NRIP1: variants seen among roughly 807,000 people sequenced by gnomAD.
The protein encoded by NRIP1 is nuclear receptor interacting protein 1.
Under a neutral mutation model 75.0 loss-of-function variants are expected in NRIP1, and 28 were observed. The observed-to-expected ratio is 0.37, with a 90% CI of 0.28 to 0.51. The LOEUF is 0.51. Ranked by LOEUF, NRIP1 falls within the 20% of genes least tolerant of loss-of-function variation. The pLI, the probability that NRIP1 is intolerant of heterozygous loss-of-function variation, is 0.92. For synonymous variants in NRIP1, 526 were observed against 487.6 expected (o/e 1.08, Z -1.04); for missense variants, 1,435 against 1,343.7 (o/e 1.07, Z -1.06).
At position 14,966,880 on chromosome 21, in the gene NRIP1, C is replaced by T. The variant is rs1223524712; in HGVS notation, c.1313G>A (p.Cys438Tyr). 6.2e-7 allele frequency: 1 copy of T among 1,614,052 alleles called. No individual in the cohort carries two copies. Among genetic ancestry groups the T allele is most frequent in the East Asian group, 2.2e-5 (1 of 44,862 alleles). ...TTTGCAAGACAAGTCTATGGGAACA[C>T]AGTTGGAATAAGAACTTTCATCACC... is the stretch of plus-strand genomic sequence containing the variant. Reference protein sequence around the residue: ...SSGDESSYSNCVPIDLSCKHR... With the variant: ...SSGDESSYSNYVPIDLSCKHR... Residue 438 changes from cysteine to tyrosine, a missense_variant, in exon 4 of 4, where the codon TGT (cysteine) becomes TAT (tyrosine). Physicochemically the swap from Cys to Tyr is radical, Grantham distance 194. Coordinates refer to ENST00000318948, the MANE Select transcript of NRIP1 (RefSeq NM_003489.4).
At chr21:15,033,382 GC>G (rs908533553) in intron 2 of NRIP1, among the ~76,000 whole-genome samples, 15 of 152,102 alleles carry the variant, frequency 9.9e-5, no homozygotes, top group African/African-American at 3.6e-4. Flanking sequence ...AAGGTGATTT[GC>G]CCACAGTCAA....
At chr21:15,046,842 T>C (rs1166635833) in intron 1 of NRIP1, among the ~76,000 whole-genome samples, 16 of 152,182 alleles carry the variant, frequency 1.1e-4, no homozygotes, top group Admixed American at 1.0e-3. Flanking sequence ...CCAGGCAGCT[T>C]CTATCCTTAA....
rs139897580 is a variant in NRIP1, at chr21:15,030,306, T to C, written c.-458+13189A>G. Among the ~76,000 whole-genome samples, 48 of 152,354 alleles carry C rather than the reference T, an allele frequency of 3.2e-4. No homozygotes were observed. The East Asian group carries it at 7.7e-3, about 24-fold the overall frequency. Reference sequence around the variant, plus strand: ...ACACCCTTACTGTTTACTTTACTTGTAGTAAGGCCTTCTATTACTTATATT... The same window carrying C: ...ACACCCTTACTGTTTACTTTACTTGCAGTAAGGCCTTCTATTACTTATATT... On this transcript the variant is annotated intron_variant, in intron 2 of 3. Coordinates refer to ENST00000318948, the MANE Select transcript of NRIP1 (RefSeq NM_003489.4).
intron 3 of NRIP1, among the ~76,000 whole-genome samples, chr21:15,013,939 T>G (rs916891808): frequency 1.8e-4 from 27 of 152,216 alleles, no homozygotes; most frequent in African/African-American, 6.3e-4. Context: ...ATTGTAGGAT[T>G]TGTATTAACT....
intron 3 of NRIP1, among the ~76,000 whole-genome samples, chr21:14,983,288 A>C (rs1466688390): frequency 6.6e-6 from 1 of 152,154 alleles, no homozygotes; most frequent in African/African-American, 2.4e-5. Flanking sequence ...AAAACAAAAC[A>C]ACCTTATTGC....
rs553300365 is a variant in NRIP1, at chr21:14,963,877, C to T, written c.*839G>A. 2.0e-5 allele frequency: 3 copies of T among 152,522 alleles called. No individual in the cohort carries two copies. Among genetic ancestry groups the T allele is most frequent in the Admixed American group, 1.3e-4 (2 of 15,270 alleles). 9.4% of individuals were successfully genotyped at this position (152,522 alleles called of 1,614,324 possible). ...ATGGTGAAAACTGTCCAAAGAAAAGCCATTTTGCTTCTGTTAAAAACAATT... is the reference window on the plus strand; with the variant it reads ...ATGGTGAAAACTGTCCAAAGAAAAGTCATTTTGCTTCTGTTAAAAACAATT... On this transcript the variant is annotated 3_prime_UTR_variant, in exon 4 of 4. Coordinates refer to ENST00000318948, the MANE Select transcript of NRIP1 (RefSeq NM_003489.4).
intron 2 of NRIP1, among the ~76,000 whole-genome samples, chr21:15,030,460 G>A (rs2088617551): frequency 6.6e-6 from 1 of 152,136 alleles, no homozygotes; most frequent in African/African-American, 2.4e-5. Context: ...CATGCTGCAT[G>A]CCTAGACAAC....
In NRIP1 at chr21:14,964,394, A is replaced by C. The variant is rs965559975; in HGVS notation, c.*322T>G. The C allele has an allele frequency of 1.1e-5, 2 of 189,796 alleles. No individual in the cohort carries two copies. The highest frequency in any genetic ancestry group is 5.7e-5 in the Admixed American group (1 of 17,694). 11.8% of individuals were successfully genotyped at this position (189,796 alleles called of 1,614,324 possible). Reference sequence around the variant, plus strand: ...CTAATAAAGGCAGCAAAATGCATTAATCCACTATGAATGGAGTTTTACATT... The same window carrying C: ...CTAATAAAGGCAGCAAAATGCATTACTCCACTATGAATGGAGTTTTACATT... On this transcript the variant is annotated 3_prime_UTR_variant, in exon 4 of 4. Coordinates refer to ENST00000318948, the MANE Select transcript of NRIP1 (RefSeq NM_003489.4).
At chr21:15,033,018 G>T (rs1455869830) in intron 2 of NRIP1, among the ~76,000 whole-genome samples, 1 of 152,088 alleles carries the variant, frequency 6.6e-6, no homozygotes. Flanking sequence ...GAGGTCAGGA[G>T]ATCGAGACCA....
chr21:15,061,423 A>T (rs1488068796), intron 1 of NRIP1, among the ~76,000 whole-genome samples: 1 of 152,194 alleles, frequency 6.6e-6, no homozygotes, highest in Non-Finnish European at 1.5e-5. Context: ...GCAGTTTTTC[A>T]TGGAAGAAAA....
intron 1 of NRIP1, chr21:15,050,677 T>C (rs1353984275): frequency 4.4e-6 from 2 of 455,224 alleles, no homozygotes; most frequent in Admixed American, 2.4e-5. Context: ...TACATATGTG[T>C]GTATTGTTTA....
intron 1 of NRIP1, among the ~76,000 whole-genome samples, chr21:15,049,973 G>T (rs1286696089): frequency 6.6e-6 from 1 of 152,040 alleles, no homozygotes; most frequent in Non-Finnish European, 1.5e-5. Flanking sequence ...TTGTAAATGA[G>T]AAATAAAATT....
At chr21:15,032,163 G>C (rs1224621389) in intron 2 of NRIP1, among the ~76,000 whole-genome samples, 2 of 152,148 alleles carry the variant, frequency 1.3e-5, no homozygotes, top group East Asian at 1.9e-4. Flanking sequence ...TGAGTCAAAG[G>C]GTTTTGATTT....
At chr21:15,064,296 G>A (rs758936076) in intron 1 of NRIP1, among the ~76,000 whole-genome samples, 1 of 152,216 alleles carries the variant, frequency 6.6e-6, no homozygotes, top group African/African-American at 2.4e-5. Flanking sequence ...GGTATCCAGC[G>A]AGCAAGGAGC....
intron 1 of NRIP1, among the ~76,000 whole-genome samples, chr21:15,054,738 T>G (rs959768212): frequency 2.0e-5 from 3 of 152,218 alleles, no homozygotes; most frequent in African/African-American, 7.2e-5. Context: ...CAGTTCAATT[T>G]AACAAATGCT....
chr21:14,989,142 G>C (rs1302144014), intron 3 of NRIP1, among the ~76,000 whole-genome samples: 1 of 152,162 alleles, frequency 6.6e-6, no homozygotes, highest in Non-Finnish European at 1.5e-5. Context: ...GTAACATTAT[G>C]TAAGACAAAC....
At chr21:15,010,810 G>A (rs1182196135) in intron 3 of NRIP1, among the ~76,000 whole-genome samples, 1 of 152,170 alleles carries the variant, frequency 6.6e-6, no homozygotes, top group Non-Finnish European at 1.5e-5. Flanking sequence ...TCTGAACGAA[G>A]ATGGCTGGCT....
intron 1 of NRIP1, among the ~76,000 whole-genome samples, chr21:15,055,835 G>C (rs186483761): frequency 6.6e-6 from 1 of 152,158 alleles, no homozygotes; most frequent in Non-Finnish European, 1.5e-5. Flanking sequence ...GTAAAATGCA[G>C]ATAGTAACTG....
intron 1 of NRIP1, among the ~76,000 whole-genome samples, chr21:15,049,735 A>G (rs2089162749): frequency 6.6e-6 from 1 of 152,096 alleles, no homozygotes; most frequent in Admixed American, 6.5e-5. Flanking sequence ...TACTCAAGCC[A>G]ATCTTTTGCA....
Sources: allele counts gnomAD v4.1 joint callset (sites outside exome capture counted in the v4.1 genomes callset), GRCh38; gene constraint gnomAD v4.1.1; transcripts MANE v1.5; gene names NCBI Gene and HGNC (gene_info 2026-07-23, HGNC 2026-07-21).